The following ZDHHC14 variants were observed in gnomAD, a reference collection of about 807,000 sequenced individuals.
ZDHHC14 encodes the protein palmitoyltransferase ZDHHC14.
Under a neutral mutation model 47.7 loss-of-function variants are expected in ZDHHC14, and 16 were observed. The ratio of observed to expected loss-of-function variants is 0.34; its 90% CI spans 0.23 to 0.51. The LOEUF (loss-of-function observed/expected upper bound fraction) is 0.51, where lower values mean the gene tolerates loss of function less well. Among genes scored for constraint, ZDHHC14 ranks in the 20% least tolerant of loss-of-function variants. The probability of loss-of-function intolerance (pLI) is 0.97; values close to 1 mark genes in which losing one functional copy is unlikely to be tolerated. For missense variants in ZDHHC14, 515 were observed against 662.5 expected (o/e 0.78, Z 2.44); for synonymous variants, 293 against 278.9 (o/e 1.05, Z -0.50).
At chr6:157,636,335 A>G (rs987179022) in intron 5 of ZDHHC14, among the ~76,000 whole-genome samples, 122 of 52,212 alleles carry the variant, frequency 2.3e-3, no homozygotes, top group African/African-American at 0.011. Context: ...AAGGATATAT[A>G]AGTGTGTGTG....
At chr6:157,422,296 G>A (rs1017663918) in intron 1 of ZDHHC14, among the ~76,000 whole-genome samples, 2 of 152,154 alleles carry the variant, frequency 1.3e-5, no homozygotes, top group African/African-American at 4.8e-5. Context: ...AAGGGTTGCT[G>A]TCAGAGAAAC....
At chr6:157,391,777 C>G (rs1777423355) in intron 1 of ZDHHC14, among the ~76,000 whole-genome samples, 2 of 152,132 alleles carry the variant, frequency 1.3e-5, no homozygotes, top group Admixed American at 1.3e-4. Context: ...AGATTTTTTT[C>G]AGACTATGCT....
At chr6:157,436,262 G>GTGCAAATGGAGATAATGAAGA (rs368848913) in intron 1 of ZDHHC14, among the ~76,000 whole-genome samples, 1 of 151,774 alleles carries the variant, frequency 6.6e-6, no homozygotes, top group Non-Finnish European at 1.5e-5. Context: ...GATAATGAAG[G>GTGCAAATGGAGATAATGAAGA]TGCAAATGGA....
At chr6:157,452,690 ATTTTTTTTTTTTTTTTTTT>A (rs747862336) in intron 1 of ZDHHC14, among the ~76,000 whole-genome samples, 1 of 72,960 alleles carries the variant, frequency 1.4e-5, no homozygotes, top group Admixed American at 1.9e-4. Flanking sequence ...ATACATGGGG[ATTTTTTTTTTTTTTTTTTT>A]TTTTTTTTTT....
intron 1 of ZDHHC14, among the ~76,000 whole-genome samples, chr6:157,448,276 C>T (rs1025828883): frequency 3.3e-5 from 5 of 152,086 alleles, no homozygotes; most frequent in African/African-American, 1.2e-4. Context: ...CAGAGAAAAA[C>T]TTTGTTCTAC....
At chr6:157,435,117 G>T (rs1441468375) in intron 1 of ZDHHC14, among the ~76,000 whole-genome samples, 2 of 152,222 alleles carry the variant, frequency 1.3e-5, no homozygotes, top group Non-Finnish European at 2.9e-5. Flanking sequence ...TTCCTCGGGG[G>T]TTCTTTGCAT....
intron 3 of ZDHHC14, among the ~76,000 whole-genome samples, chr6:157,620,386 C>G (rs1457300702): frequency 6.6e-6 from 1 of 152,190 alleles, no homozygotes; most frequent in African/African-American, 2.4e-5. Flanking sequence ...GATTTCTTAT[C>G]CTCTTAATAC....
intron 3 of ZDHHC14, among the ~76,000 whole-genome samples, chr6:157,607,505 G>C (rs532557766): frequency 6.6e-6 from 1 of 152,276 alleles, no homozygotes; most frequent in African/African-American, 2.4e-5. Context: ...TTTCCTGAGG[G>C]TAGGGAGGAA....
chr6:157,570,875 C>T (rs1219387586), intron 2 of ZDHHC14, among the ~76,000 whole-genome samples: 1 of 151,788 alleles, frequency 6.6e-6, no homozygotes, highest in East Asian at 1.9e-4. Context: ...TCTGGGCAGC[C>T]CCTGAAAAAA....
At chr6:157,407,723 G>A (rs535928859) in intron 1 of ZDHHC14, among the ~76,000 whole-genome samples, 1 of 152,286 alleles carries the variant, frequency 6.6e-6, no homozygotes, top group African/African-American at 2.4e-5. Context: ...GGCAGAACTC[G>A]GTGCTTATAT....
At chr6:157,534,644 G>A (rs138859900) in intron 1 of ZDHHC14, among the ~76,000 whole-genome samples, 75 of 151,680 alleles carry the variant, frequency 4.9e-4, no homozygotes, top group African/African-American at 1.6e-3. Flanking sequence ...GCTGGAGTGC[G>A]GTGGCATGAT....
chr6:157,404,521 A>C (rs952890782), intron 1 of ZDHHC14, among the ~76,000 whole-genome samples: 2 of 151,852 alleles, frequency 1.3e-5, no homozygotes, highest in Non-Finnish European at 2.9e-5. Flanking sequence ...CTTTGATAAG[A>C]CTCCCCAGTG....
chr6:157,513,525 T>G (rs1252725000), intron 1 of ZDHHC14, among the ~76,000 whole-genome samples: 2 of 152,206 alleles, frequency 1.3e-5, no homozygotes, highest in Non-Finnish European at 2.9e-5. Flanking sequence ...TCTGTCAACA[T>G]TGACATAAGC....
At chr6:157,632,577 A>G in intron 4 of ZDHHC14, 2 of 527,144 alleles carry the variant, frequency 3.8e-6, no homozygotes, top group Non-Finnish European at 6.8e-6. Flanking sequence ...AATTTACGGG[A>G]AAGTGTGCAG....
chr6:157,580,734 G>GT (rs1554269458), intron 2 of ZDHHC14, among the ~76,000 whole-genome samples: 2 of 151,342 alleles, frequency 1.3e-5, no homozygotes, highest in Non-Finnish European at 2.9e-5. Flanking sequence ...GTGTGTGTGT[G>GT]TTTTTTTCTT....
intron 3 of ZDHHC14, among the ~76,000 whole-genome samples, chr6:157,619,376 G>A (rs956499183): frequency 1.3e-5 from 2 of 152,178 alleles, no homozygotes; most frequent in Non-Finnish European, 2.9e-5. Context: ...GGGTGGCAGA[G>A]CGAGACTCCA....
At chr6:157,472,803 C>A (rs1167977379) in intron 1 of ZDHHC14, among the ~76,000 whole-genome samples, 1 of 152,148 alleles carries the variant, frequency 6.6e-6, no homozygotes, top group Non-Finnish European at 1.5e-5. Flanking sequence ...CTCTTAGGAA[C>A]TTAGGAAATT....
At chr6:157,519,315 A>T (rs1780826520) in intron 1 of ZDHHC14, among the ~76,000 whole-genome samples, 1 of 151,716 alleles carries the variant, frequency 6.6e-6, no homozygotes, top group African/African-American at 2.4e-5. Context: ...ATTTTTTGCT[A>T]TGAAGCAGTT....
At chr6:157,483,311 A>C (rs1371966509) in intron 1 of ZDHHC14, among the ~76,000 whole-genome samples, 1 of 152,190 alleles carries the variant, frequency 6.6e-6, no homozygotes, top group Non-Finnish European at 1.5e-5. Flanking sequence ...TATGCAATTC[A>C]TGCTGGTCTT....
Sources: allele counts gnomAD v4.1 joint callset (sites outside exome capture counted in the v4.1 genomes callset), GRCh38; gene constraint gnomAD v4.1.1; transcripts MANE v1.5; gene names NCBI Gene and HGNC (gene_info 2026-07-23, HGNC 2026-07-21).